TSPAN4: variants seen among roughly 807,000 people sequenced by gnomAD.
TSPAN4 encodes the protein tetraspanin 4.
A neutral mutation model predicts 31.5 loss-of-function variants in TSPAN4; 38 were observed. The observed-to-expected ratio is 1.21, with a 90% confidence interval of 0.93 to 1.58. The LOEUF is 1.58. Among genes scored for constraint, TSPAN4 ranks in the 40% most tolerant of loss-of-function variants. The pLI is 0.00. For synonymous variants in TSPAN4, 186 were observed against 144.6 expected, an observed-to-expected ratio of 1.29 and a Z score of -2.06; for missense variants, 330 against 317.3, an observed-to-expected ratio of 1.04 and a Z score of -0.30.
rs1848723914 is a variant in TSPAN4 at position 865,517 on chromosome 11, A to G, written c.335A>G (p.Asp112Gly). Residue 112 changes from aspartate (D) to glycine (G), a missense_variant, in exon 6 of 9, where the codon GAC becomes GGC. By Grantham distance (94) the Asp-to-Gly change is moderately conservative (BLOSUM62 -1). Transcript: ENST00000397397. The stretch of plus-strand genomic sequence containing the variant: ...TGACCCCCCCCGCACCCCCAGATTG[A>G]CAGGTATGCCCAGCAAGACCTGAAG... ...ILFFAYTDKI[D>G]RYAQQDLKKG... 3 of 1,610,612 alleles carry G rather than the reference A, an allele frequency of 1.9e-6. No individual in the cohort carries two copies. Among genetic ancestry groups the G allele is most frequent in the Non-Finnish European group, 2.5e-6 (3 of 1,179,338 alleles).
chr11:848,524 C>T lies in TSPAN4; in HGVS notation c.-18+1224C>T, dbSNP rs1216240482. Among the ~76,000 whole-genome samples the T allele has an allele frequency of 6.6e-6, 1 of 152,114 alleles. No individual in the cohort carries two copies. The highest frequency in any genetic ancestry group is 2.4e-5 in the African/African-American group (1 of 41,414). ...CCCAGCCCAGGTCGTCAGGGGTGGG[C>T]AGAGCTGCGGGACCTCCCTGGGCAC... On this transcript the variant is annotated intron_variant, in intron 2 of 8. Transcript: ENST00000397397. The surrounding 1 kb of genome is among the most constrained non-coding windows in gnomAD (Gnocchi z 5.7).
chr11:853,740 C>T (rs1037367453), intron 3 of TSPAN4, among the ~76,000 whole-genome samples: 9 of 152,224 alleles, frequency 5.9e-5, no homozygotes, highest in Admixed American at 5.9e-4. Flanking sequence ...TACCTGCCTT[C>T]AGCAAATAGA....
At chr11:847,947 G>A (rs576503674) in intron 2 of TSPAN4, among the ~76,000 whole-genome samples, 32 of 152,310 alleles carry the variant, frequency 2.1e-4, no homozygotes, top group South Asian at 1.9e-3. Flanking sequence ...CCTTGGGGTG[G>A]CTCGGGTGGT....
At chr11:866,534 A>G (rs372537957) in intron 8 of TSPAN4, 28 bp from the exon 9 acceptor site, 3 of 1,608,416 alleles carry the variant, frequency 1.9e-6, no homozygotes, top group Middle Eastern at 1.7e-4. Context: ...TGGAGCTGCC[A>G]TGCCCAGTCC....
intron 3 of TSPAN4, among the ~76,000 whole-genome samples, chr11:851,464 C>T (rs528780707): frequency 6.6e-4 from 100 of 152,312 alleles, no homozygotes; most frequent in Non-Finnish European, 1.2e-3. Flanking sequence ...TCTGCCTTCC[C>T]ACCTCTCCCC....
At chr11:866,516 T>G in intron 8 of TSPAN4, 46 bp from the exon 9 acceptor site, 9 of 1,587,042 alleles carry the variant, frequency 5.7e-6, no homozygotes, top group Non-Finnish European at 7.8e-6. Context: ...GCTTGAGGCC[T>G]GAGCCTGTGG....
In TSPAN4 at chr11:866,656, A is replaced by G. The variant is rs1848869679; in HGVS notation, c.*26A>G. 2 of 1,604,436 alleles carry G rather than the reference A, an allele frequency of 1.2e-6. No homozygotes were observed. The highest frequency in any genetic ancestry group is 1.7e-6 in the Non-Finnish European group (2 of 1,175,830). ...GCCGCCCACCGCCCGCTTCTCTGCC[A>G]AAAGGACGCCCACGGGGAGATGGCC... On this transcript the variant is annotated 3_prime_UTR_variant, in exon 9 of 9. Transcript: ENST00000397397.
At chr11:851,656 C>G (rs1847739216) in intron 3 of TSPAN4, among the ~76,000 whole-genome samples, 1 of 151,974 alleles carries the variant, frequency 6.6e-6, no homozygotes, top group Admixed American at 6.6e-5. Context: ...GGGGTGAGGC[C>G]CAGGCCTGAG....
At chr11:859,116 G>GCC (rs1848257750) in intron 3 of TSPAN4, among the ~76,000 whole-genome samples, 2 of 55,930 alleles carry the variant, frequency 3.6e-5, no homozygotes, top group Admixed American at 2.1e-4. Flanking sequence ...GCTCACACGT[G>GCC]CCCTGGCTCA....
intron 6 of TSPAN4, 35 bp downstream of exon 6, chr11:865,649 GC>G (rs1256410111): frequency 6.2e-7 from 1 of 1,611,934 alleles, no homozygotes; most frequent in Non-Finnish European, 8.5e-7. Flanking sequence ...GTCGGCGGGT[GC>G]CCCCTCCCCT....
chr11:850,617 C>T (rs899134827), intron 3 of TSPAN4, among the ~76,000 whole-genome samples: 2 of 152,194 alleles, frequency 1.3e-5, no homozygotes, highest in African/African-American at 2.4e-5. Flanking sequence ...GTCCCCTCTC[C>T]TCTCCTCTCC....
chr11:864,427 C>T lies in TSPAN4; in HGVS notation c.256-10C>T, dbSNP rs763965835. On this transcript the variant is annotated splice_polypyrimidine_tract_variant and intron_variant, in intron 4 of 8. Transcript: ENST00000397397. ...TTTCGGGTCCCTGTCTGAGCCTGCC[C>T]CCTCCACAGTTCTTCCTGCTGCTGC... is the stretch of plus-strand genomic sequence containing the variant. 5 of 1,611,832 alleles carry T rather than the reference C, an allele frequency of 3.1e-6. No homozygotes were observed. The highest frequency in any genetic ancestry group is 1.1e-5 in the South Asian group (1 of 91,092).
At chr11:844,836 T>G (rs1025195427) in intron 1 of TSPAN4, among the ~76,000 whole-genome samples, 2 of 151,984 alleles carry the variant, frequency 1.3e-5, no homozygotes, top group African/African-American at 4.8e-5. Flanking sequence ...TGCTTCCTGC[T>G]AGAGGAGGGA....
At position 865,584 on chromosome 11, in the gene TSPAN4, C is replaced by G; in HGVS notation, c.402C>G (p.Leu134=). 6.2e-7 allele frequency: 1 copy of G among 1,612,914 alleles called. No individual in the cohort carries two copies. The highest frequency in any genetic ancestry group is 8.5e-7 in the Non-Finnish European group (1 of 1,179,910). Residue 134 remains leucine, a synonymous_variant, in exon 6 of 9, where the codon CTC becomes CTG. Coordinates refer to ENST00000397397, the MANE Select transcript of TSPAN4 (RefSeq NM_003271.5). ...ACGGCACGCAGGGCAACGTGGGCCT[C>G]ACCAACGCCTGGAGCATCATCCAGA... is the stretch of plus-strand genomic sequence containing the variant. ...HLYGTQGNVG[L]TNAWSIIQTD...
intron 4 of TSPAN4, chr11:864,233 G>A (rs1448812468): frequency 1.6e-6 from 1 of 643,014 alleles, no homozygotes; most frequent in Non-Finnish European, 2.7e-6. Context: ...GGCTGAGCAG[G>A]ACACAACAGC....
chr11:848,584 C>T lies in TSPAN4; in HGVS notation c.-18+1284C>T, dbSNP rs1050717092. Among the ~76,000 whole-genome samples the T allele has an allele frequency of 5.3e-5, 8 of 152,168 alleles. No individual in the cohort carries two copies. Among genetic ancestry groups the T allele is most frequent in the Non-Finnish European group, 7.4e-5 (5 of 68,004 alleles). On this transcript the variant is annotated intron_variant, in intron 2 of 8. Transcript: ENST00000397397. This position sits in a 1 kb window ranked among gnomAD's most constrained non-coding sequence, Gnocchi z 5.7. ...CCACGGCAGCCCTCCCCAGACCTGCCACCTCCCACATCAGTCACTCCAGGA... is the reference window on the plus strand; with the variant it reads ...CCACGGCAGCCCTCCCCAGACCTGCTACCTCCCACATCAGTCACTCCAGGA...
rs764173396 is a variant in TSPAN4 at position 848,890 on chromosome 11, C to T, written c.-17-1398C>T. On this transcript the variant is annotated intron_variant, in intron 2 of 8. Coordinates refer to ENST00000397397, the MANE Select transcript of TSPAN4 (RefSeq NM_003271.5). The surrounding 1 kb of genome is among the most constrained non-coding windows in gnomAD (Gnocchi z 5.7). ...CTGTGGGAGGTGTGTGCGCATCCGG[C>T]GTGATGACACCCAGGAGTGCAGGCA... 2.8e-5 allele frequency: 20 copies of T among 712,298 alleles called. No homozygotes were observed. Among genetic ancestry groups the T allele is most frequent in the South Asian group, 1.8e-4 (12 of 67,046 alleles). 44.1% of individuals were successfully genotyped at this position (712,298 alleles called of 1,614,324 possible).
At chr11:859,290 C>T (rs557167021) in intron 3 of TSPAN4, among the ~76,000 whole-genome samples, 5 of 107,042 alleles carry the variant, frequency 4.7e-5, no homozygotes, top group Admixed American at 9.3e-5. Flanking sequence ...CCTTGGCTCA[C>T]GTGCACCCCG....
chr11:863,037 G>A (rs112098193), intron 4 of TSPAN4: 13,294 of 355,978 alleles, frequency 0.037, 508 homozygotes, highest in African/African-American at 0.12. Flanking sequence ...GCACAGCCCC[G>A]CACACACGTA....
Sources: allele counts gnomAD v4.1 joint callset (sites outside exome capture counted in the v4.1 genomes callset), GRCh38; gene constraint gnomAD v4.1.1; non-coding constraint Gnocchi (gnomAD v3.1); transcripts MANE v1.5; gene names NCBI Gene and HGNC (gene_info 2026-07-23, HGNC 2026-07-21).